The following SV2A variants were observed in gnomAD, a reference collection of about 807,000 sequenced individuals.
The protein encoded by SV2A is solute carrier family 22 member B1.
A neutral mutation model predicts 78.0 loss-of-function variants in SV2A; 25 were observed. The ratio of observed to expected loss-of-function variants is 0.32; its 90% CI spans 0.23 to 0.45. The LOEUF (loss-of-function observed/expected upper bound fraction) is 0.45. Ranked by LOEUF, SV2A falls within the 20% of genes least tolerant of loss-of-function variation. The pLI is 1.00. For synonymous variants in SV2A, 355 were observed against 384.7 expected (o/e 0.92, Z 0.90); for missense variants, 752 against 971.5 (o/e 0.77, Z 3.00).
rs1553763089 is a variant in SV2A, at chr1:149,908,169, G to C, written c.1417C>G (p.Arg473Gly). 4 of 1,614,130 alleles carry C rather than the reference G, an allele frequency of 2.5e-6. No homozygotes were observed. In the South Asian group the frequency reaches 3.3e-5, roughly 13 times the overall value. ...GCGTAGTCCACTGCCTGGAGATGGC[G>C]GATCATGTCAGGAAACCAGACGGTC... Reference protein sequence around the residue: ...GLTVWFPDMIRHLQAVDYASR... With the variant: ...GLTVWFPDMIGHLQAVDYASR... The change falls in exon 9 of 13, where the codon CGC (arginine) becomes GGC (glycine). Residue 473 changes from arginine (R) to glycine (G), a missense_variant. Transcript: ENST00000369146.
At chr1:149,917,122 T>C (rs782745284) in intron 1 of SV2A, among the ~76,000 whole-genome samples, 13 of 151,910 alleles carry the variant, frequency 8.6e-5, no homozygotes, top group Non-Finnish European at 1.5e-4. Context: ...GCTAGACAAG[T>C]GTCCACCTTC....
At position 149,908,169 on chromosome 1, in the gene SV2A, G is replaced by A. The variant is rs1553763089; in HGVS notation, c.1417C>T (p.Arg473Cys). ...GCGTAGTCCACTGCCTGGAGATGGCGGATCATGTCAGGAAACCAGACGGTC... is the reference window on the plus strand; with the variant it reads ...GCGTAGTCCACTGCCTGGAGATGGCAGATCATGTCAGGAAACCAGACGGTC... The part of the protein sequence containing the change: ...GLTVWFPDMI[R>C]HLQAVDYASR... The change falls in exon 9 of 13, where the codon CGC becomes TGC. Residue 473 changes from arginine to cysteine, a missense_variant. By Grantham distance (180) the Arg-to-Cys change is radical. Transcript: ENST00000369146. The A allele has an allele frequency of 1.9e-6, 3 of 1,614,130 alleles. No individual in the cohort carries two copies. The highest frequency in any genetic ancestry group is 2.5e-6 in the Non-Finnish European group (3 of 1,180,014).
At chr1:149,915,893 A>ACACACACACACACACACACG (rs2092509933) in intron 1 of SV2A, among the ~76,000 whole-genome samples, 1 of 136,636 alleles carries the variant, frequency 7.3e-6, no homozygotes, top group Admixed American at 7.0e-5. Context: ...TCATTAAAAC[A>ACACACACACACACACACACG]CACACACACA....
intron 6 of SV2A, 44 bp downstream of exon 6, chr1:149,909,757 G>T: frequency 6.2e-7 from 1 of 1,601,646 alleles, no homozygotes; most frequent in Non-Finnish European, 8.5e-7. Context: ...TAGGGGCTGG[G>T]GCTGCAGGGC....
Position 149,913,817 on chromosome 1 carries a change from C to G in SV2A, c.24G>C (p.Arg8=). The change falls in exon 2 of 13, where the codon CGG becomes CGC. Residue 8 remains arginine (R), a synonymous_variant. Transcript: ENST00000369146. ...CTTTGGCCCCACGGATGAAAGCTGC[C>G]CGGTCTCGGAAGCCCTCTTCCATGA... The part of the protein sequence containing the change: MEEGFRD[R]AAFIRGAKDI... The G allele has an allele frequency of 6.2e-7, 1 of 1,610,344 alleles. No individual in the cohort carries two copies. The highest frequency in any genetic ancestry group is 1.1e-5 in the South Asian group (1 of 90,940).
At chr1:149,911,288 C>T (rs1553763741) in intron 3 of SV2A, among the ~76,000 whole-genome samples, 2 of 152,202 alleles carry the variant, frequency 1.3e-5, no homozygotes, top group Non-Finnish European at 2.9e-5. Context: ...AAAGACAAGC[C>T]AAAAGCCTCC....
In SV2A at chr1:149,911,163, C is replaced by G. The variant is rs587639396; in HGVS notation, c.804-186G>C. On this transcript the variant is annotated intron_variant, in intron 3 of 12. Coordinates refer to ENST00000369146, the MANE Select transcript of SV2A (RefSeq NM_014849.5). ...CACCCATCCTTGGGACCATGGGAAA[C>G]AGGCAAGCGAGTCTCAGGGAAAGGG... Among the ~76,000 whole-genome samples, 13 of 152,258 alleles carry G rather than the reference C, an allele frequency of 8.5e-5. No individual in the cohort carries two copies. In the South Asian group the frequency reaches 2.5e-3, roughly 29 times the overall value.
Position 149,904,895 on chromosome 1 carries a change from C to A in SV2A, c.*119G>T. On this transcript the variant is annotated 3_prime_UTR_variant, in exon 13 of 13. Coordinates refer to ENST00000369146, the MANE Select transcript of SV2A (RefSeq NM_014849.5). ...CGCACACGCACACACAGCTAAGACA[C>A]CAAACACGGGGAGTGGGGAGTGAGG... 8.5e-7 allele frequency: 1 copy of A among 1,177,154 alleles called. No homozygotes were observed. Among genetic ancestry groups the A allele is most frequent in the Non-Finnish European group, 1.2e-6 (1 of 841,624 alleles). 72.9% of individuals were successfully genotyped at this position (1,177,154 alleles called of 1,614,324 possible).
In SV2A at chr1:149,910,638, C is replaced by T. The variant is rs1413683133; in HGVS notation, c.1021G>A (p.Ala341Thr). 5 of 1,613,634 alleles carry T rather than the reference C, an allele frequency of 3.1e-6. No homozygotes were observed. The highest frequency in any genetic ancestry group is 4.5e-5 in the East Asian group (2 of 44,848). Residue 341 changes from alanine to threonine, a missense_variant, in exon 5 of 13, where the codon GCC becomes ACC. Transcript: ENST00000369146. The surrounding 1 kb of genome is among the most constrained non-coding windows in gnomAD (Gnocchi z 4.2). ...CCAATGGCAAACACAGAAGGAAAGG[C>T]GCAGACGAGGACGAAGACCCTCCAG... ...HSWRVFVLVC[A>T]FPSVFAIGAL...
chr1:149,913,292 G>C lies in SV2A; in HGVS notation c.549C>G (p.Val183=). 6.2e-7 allele frequency: 1 copy of C among 1,614,146 alleles called. No homozygotes were observed. Among genetic ancestry groups the C allele is most frequent in the Non-Finnish European group, 8.5e-7 (1 of 1,180,026 alleles). The part of the protein sequence containing the change: ...GLALMADGVE[V]FVVGFVLPSA... ...TGGGCAGCACGAAGCCCACCACAAA[G>C]ACCTCCACACCGTCAGCCATCAGCG... Residue 183 remains valine (V), a synonymous_variant, in exon 2 of 13, where the codon GTC becomes GTG. Coordinates refer to ENST00000369146, the MANE Select transcript of SV2A (RefSeq NM_014849.5).
chr1:149,911,148 T>C (rs1302211805), intron 3 of SV2A, among the ~76,000 whole-genome samples, 171 bp from the exon 4 acceptor site: 1 of 152,172 alleles, frequency 6.6e-6, no homozygotes, highest in African/African-American at 2.4e-5. Flanking sequence ...CACCCATCCT[T>C]GGGACCATGG....
chr1:149,908,931 A>G (rs16835135), intron 8 of SV2A, among the ~76,000 whole-genome samples: 27,180 of 152,002 alleles, frequency 0.18, 4,880 homozygotes, highest in African/African-American at 0.46. Flanking sequence ...CCTGCTTCTT[A>G]ACCAAAACAT....
rs782127686 is a variant in SV2A at position 149,908,067 on chromosome 1, G to A, written c.1519C>T (p.Arg507Ter). 1.9e-6 allele frequency: 3 copies of A among 1,614,144 alleles called. No homozygotes were observed. Among genetic ancestry groups the A allele is most frequent in the Non-Finnish European group, 1.7e-6 (2 of 1,180,008 alleles). The change falls in exon 9 of 13, where the codon CGA becomes TGA. Residue 507 changes from arginine (R) to a stop codon, truncating the protein, a stop_gained. Transcript: ENST00000369146. LOFTEE classifies it high-confidence loss of function. ...TTGTCATTGAAGTACTGCCCGCCTC[G>A]GTGGATCTGATTCTCCAACGTGAAG... ...FNFTLENQIH[R>*]GGQYFNDKFI... is the part of the protein sequence containing the mutation.
intron 1 of SV2A, among the ~76,000 whole-genome samples, chr1:149,915,706 G>A (rs2092508193): frequency 6.6e-6 from 1 of 152,134 alleles, no homozygotes. Flanking sequence ...GCATTGCGTA[G>A]GAGGCGGATG....
In SV2A at chr1:149,914,075, G is replaced by T; in HGVS notation, c.-235C>A. The T allele has an allele frequency of 4.1e-6, 2 of 484,808 alleles. No individual in the cohort carries two copies. The highest frequency in any genetic ancestry group is 3.5e-6 in the Non-Finnish European group (1 of 287,318). The allele number at this position is 484,808 out of a possible 1,614,324, so 30.0% of individuals were successfully genotyped here. ...TACCCAGTTCAGTTGGGTGGATGGG[G>T]AAGGGACAGGGGGAGCAGGGGAATG... On this transcript the variant is annotated 5_prime_UTR_variant, in exon 2 of 13. Transcript: ENST00000369146.
At position 149,913,546 on chromosome 1, in the gene SV2A, G is replaced by A. The variant is rs1397678349; in HGVS notation, c.295C>T (p.Gln99Ter). 1 of 1,613,504 alleles carries A rather than the reference G, an allele frequency of 6.2e-7. No individual in the cohort carries two copies. Among genetic ancestry groups the A allele is most frequent in the African/African-American group, 1.3e-5 (1 of 74,694 alleles). The change falls in exon 2 of 13, where the codon CAG becomes TAG. Residue 99 changes from glutamine to a stop codon, truncating the protein, a stop_gained. Transcript: ENST00000369146. LOFTEE classifies it high-confidence loss of function. ...CCAGACTCTGCCCGGGGAATGCCCT[G>A]ATATTCCCCTTCATAGATCTCATCA... ...EDDEIYEGEY[Q>*]GIPRAESGGK...
chr1:149,909,621 A>C lies in SV2A; in HGVS notation c.1180-50T>G, dbSNP rs55909843. ...AGTCACACACTCTGTGTTTCCCAAC[A>C]TCGGCCAGGCGCCTCAGTTTCCCCT... On this transcript the variant is annotated intron_variant, in intron 6 of 12. Transcript: ENST00000369146. The C allele has an allele frequency of 0.12, 187,164 of 1,559,080 alleles. 15,873 individuals carry two copies. Among genetic ancestry groups the C allele is most frequent in the African/African-American group, 0.42 (31,049 of 73,776 alleles).
Position 149,913,444 on chromosome 1 carries a change from G to A in SV2A, c.397C>T (p.Pro133Ser), listed in dbSNP as rs782237402. The A allele has an allele frequency of 2.5e-6, 4 of 1,613,280 alleles. No homozygotes were observed. In the Admixed American group the frequency reaches 5.0e-5, roughly 20 times the overall value. ...CGTTGTGCCTCCCCCCGGCCCCCAG[G>A]GGGACCCTCCCCATCACTCAAGCCC... Reference protein sequence around the residue: ...RGGLSDGEGPPGGRGEAQRRK... With the variant: ...RGGLSDGEGPSGGRGEAQRRK... The change falls in exon 2 of 13, where the codon CCT becomes TCT. Residue 133 changes from proline (P) to serine (S), a missense_variant. Transcript: ENST00000369146.
At position 149,909,473 on chromosome 1, in the gene SV2A, G is replaced by A. The variant is rs1553763342; in HGVS notation, c.1278C>T (p.Ser426=). The A allele has an allele frequency of 1.2e-6, 2 of 1,613,126 alleles. No individual in the cohort carries two copies. The highest frequency in any genetic ancestry group is 2.2e-5 in the East Asian group (1 of 44,852). ...WYQRWGVRAL[S]LGGQVWGNFL... ...CGTCCACCATTACCTGCCCCCCTAG[G>A]CTCAAGGCCCGGACCCCCCAGCGCT... is the stretch of plus-strand genomic sequence containing the variant. The change falls in exon 7 of 13, where the codon AGC becomes AGT. Residue 426 remains serine (S), a synonymous_variant. Transcript: ENST00000369146.
Sources: allele counts gnomAD v4.1 joint callset (sites outside exome capture counted in the v4.1 genomes callset), GRCh38; gene constraint gnomAD v4.1.1; non-coding constraint Gnocchi (gnomAD v3.1); transcripts MANE v1.5; gene names NCBI Gene and HGNC (gene_info 2026-07-23, HGNC 2026-07-21).